The following SUCLG2 variants were observed in gnomAD, a reference collection of about 807,000 sequenced individuals.
The protein encoded by SUCLG2 is succinate--CoA ligase [GDP-forming] subunit beta, mitochondrial.
SUCLG2 carries 42 observed loss-of-function variants against 47.9 expected under a neutral mutation model. The observed-to-expected ratio is 0.88, with a 90% CI of 0.69 to 1.14. The LOEUF (loss-of-function observed/expected upper bound fraction) is 1.14, where lower values mean the gene tolerates loss of function less well. SUCLG2 is among the 50% of genes most tolerant of loss of function. The pLI is 0.00. For synonymous variants in SUCLG2, 195 were observed against 197.3 expected, an observed-to-expected ratio of 0.99 and a Z score of 0.10; for missense variants, 571 against 525.9, an observed-to-expected ratio of 1.09 and a Z score of -0.84.
intron 1 of SUCLG2, among the ~76,000 whole-genome samples, chr3:67,646,898 C>T (rs1701201701): frequency 6.6e-6 from 1 of 152,136 alleles, no homozygotes; most frequent in Admixed American, 6.5e-5. Context: ...ATTAAACTGC[C>T]CTTGCCACTT....
chr3:67,429,587 T>A (rs891847605), intron 9 of SUCLG2, among the ~76,000 whole-genome samples: 1 of 152,094 alleles, frequency 6.6e-6, no homozygotes, highest in African/African-American at 2.4e-5. Flanking sequence ...AGGAACAAAT[T>A]CACACATAAC....
chr3:67,458,187 A>C (rs1704236256), intron 9 of SUCLG2, among the ~76,000 whole-genome samples: 1 of 152,200 alleles, frequency 6.6e-6, no homozygotes, highest in Non-Finnish European at 1.5e-5. Context: ...GAACAGTGGA[A>C]GAATGGCCTA....
chr3:67,492,099 T>C (rs1705221705), intron 9 of SUCLG2, among the ~76,000 whole-genome samples: 1 of 152,182 alleles, frequency 6.6e-6, no homozygotes, highest in Admixed American at 6.5e-5. Flanking sequence ...TTAGAAAATA[T>C]GATTCAAAGT....
At chr3:67,404,485 C>T (rs1410282153) in intron 9 of SUCLG2, among the ~76,000 whole-genome samples, 1 of 152,008 alleles carries the variant, frequency 6.6e-6, no homozygotes, top group Non-Finnish European at 1.5e-5. Flanking sequence ...CAAATACTAA[C>T]AAAGCAATTG....
intron 2 of SUCLG2, among the ~76,000 whole-genome samples, chr3:67,534,250 T>C (rs1575760628): frequency 6.6e-6 from 1 of 152,068 alleles, no homozygotes; most frequent in Non-Finnish European, 1.5e-5. Flanking sequence ...TGAAAAAAAA[T>C]CCTTTCTTTG....
intron 10 of SUCLG2, among the ~76,000 whole-genome samples, chr3:67,383,288 C>T (rs992946922): frequency 3.3e-5 from 5 of 152,132 alleles, no homozygotes; most frequent in Admixed American, 6.6e-5. Flanking sequence ...TAGAGTTGCC[C>T]TATTTTTATT....
At chr3:67,541,872 C>CTT (rs112073915) in intron 2 of SUCLG2, among the ~76,000 whole-genome samples, 7 of 144,202 alleles carry the variant, frequency 4.9e-5, no homozygotes, top group East Asian at 2.0e-4. Flanking sequence ...CATTCTTTTT[C>CTT]TTTTTTTTTT....
At position 67,400,758 on chromosome 3, in the gene SUCLG2, T is replaced by G; in HGVS notation, c.1156A>C (p.Lys386Gln). ...TCAAGCCGGACCACCAGGGGCACCTTGAGTTCTAGCTCCCGGCAGGCTTTG... is the reference window on the plus strand; with the variant it reads ...TCAAGCCGGACCACCAGGGGCACCTGGAGTTCTAGCTCCCGGCAGGCTTTG... ...ITKACRELEL[K>Q]VPLVVRLEGT... Residue 386 changes from lysine (K) to glutamine (Q), a missense_variant, in exon 10 of 11, where the codon AAG becomes CAG. Transcript: ENST00000307227. 6.2e-7 allele frequency: 1 copy of G among 1,611,822 alleles called. No individual in the cohort carries two copies. The highest frequency in any genetic ancestry group is 8.5e-7 in the Non-Finnish European group (1 of 1,179,912).
In SUCLG2 at chr3:67,362,025, C is replaced by A. The variant is rs66501886; in HGVS notation, c.1184-1257G>T. ...CAGACATGTGAATAAGCCAAACCAA[C>A]AGGAAAAATTGCCCAGTTGTGCTTG... On this transcript the variant is annotated intron_variant, in intron 10 of 10. Coordinates refer to the SUCLG2 transcript ENST00000493112. 2.0e-5 allele frequency among the ~76,000 whole-genome samples: 3 copies of A among 151,984 alleles called. No individual in the cohort carries two copies. In the East Asian group the frequency reaches 5.8e-4, roughly 29 times the overall value.
intron 2 of SUCLG2, among the ~76,000 whole-genome samples, chr3:67,597,544 T>A (rs1708320592): frequency 6.6e-6 from 1 of 152,196 alleles, no homozygotes; most frequent in Non-Finnish European, 1.5e-5. Flanking sequence ...TCTATTTCTG[T>A]ACCCCACTCC....
intron 1 of SUCLG2, among the ~76,000 whole-genome samples, chr3:67,647,304 A>T (rs1345180444): frequency 6.6e-6 from 1 of 152,226 alleles, no homozygotes; most frequent in African/African-American, 2.4e-5. Flanking sequence ...AATGTTAGAA[A>T]TCTATGCATT....
At chr3:67,450,657 C>A (rs1289083371) in intron 9 of SUCLG2, among the ~76,000 whole-genome samples, 1 of 152,164 alleles carries the variant, frequency 6.6e-6, no homozygotes, top group Non-Finnish European at 1.5e-5. Flanking sequence ...ATGGAGAAAT[C>A]AAGGCTATTT....
At chr3:67,381,310 G>C (rs1380412493) in intron 10 of SUCLG2, among the ~76,000 whole-genome samples, 1 of 152,176 alleles carries the variant, frequency 6.6e-6, no homozygotes, top group Non-Finnish European at 1.5e-5. Context: ...ATGACTGTGA[G>C]TTTCTGCATT....
chr3:67,520,370 T>C (rs944407196), intron 5 of SUCLG2, 112 bp downstream of exon 5: 1 of 1,491,944 alleles, frequency 6.7e-7, no homozygotes, highest in Non-Finnish European at 9.2e-7. Context: ...TCTTCTTACC[T>C]TAAATTGTAG....
intron 9 of SUCLG2, among the ~76,000 whole-genome samples, chr3:67,412,980 C>A: frequency 6.6e-6 from 1 of 152,244 alleles, no homozygotes; most frequent in East Asian, 1.9e-4. Context: ...AAGATAACCA[C>A]GGTCATGGGT....
At chr3:67,400,213 A>G (rs1575671127) in intron 10 of SUCLG2, among the ~76,000 whole-genome samples, 1 of 151,922 alleles carries the variant, frequency 6.6e-6, no homozygotes, top group East Asian at 1.9e-4. Flanking sequence ...AAAATTTTTT[A>G]AAATATTTAT....
intron 2 of SUCLG2, among the ~76,000 whole-genome samples, chr3:67,606,703 T>C (rs986031434): frequency 1.3e-5 from 2 of 152,192 alleles, no homozygotes; most frequent in Admixed American, 6.5e-5. Flanking sequence ...CTTTTAAAAA[T>C]GAAACCAATT....
At chr3:67,456,776 C>T (rs1704196593) in intron 9 of SUCLG2, among the ~76,000 whole-genome samples, 2 of 152,122 alleles carry the variant, frequency 1.3e-5, no homozygotes, top group Non-Finnish European at 2.9e-5. Flanking sequence ...AAACTTGAAA[C>T]TTTCTTGAGG....
chr3:67,511,184 G>A (rs1348234388), intron 6 of SUCLG2, among the ~76,000 whole-genome samples: 5 of 152,004 alleles, frequency 3.3e-5, no homozygotes, highest in Admixed American at 6.5e-5. Context: ...CACTGCGCCC[G>A]GCCTAAATTG....
Sources: allele counts gnomAD v4.1 joint callset (sites outside exome capture counted in the v4.1 genomes callset), GRCh38; gene constraint gnomAD v4.1.1; transcripts MANE v1.5; gene names NCBI Gene and HGNC (gene_info 2026-07-23, HGNC 2026-07-21).